Variants in DICER1 observed in about 807,000 individuals in gnomAD.
The protein encoded by DICER1 is dicer 1, ribonuclease III.
A neutral mutation model predicts 194.1 loss-of-function variants in DICER1; 43 were observed. The observed-to-expected ratio is 0.22, with a 90% CI of 0.17 to 0.29. The LOEUF (loss-of-function observed/expected upper bound fraction) is 0.29, where lower values mean the gene tolerates loss of function less well. Ranked by LOEUF, DICER1 falls within the 10% of genes least tolerant of loss-of-function variation. The pLI is 1.00. For synonymous variants in DICER1, 832 were observed against 820.5 expected (o/e 1.01, Z -0.24); for missense variants, 1,608 against 2,317.0 (o/e 0.69, Z 6.28).
At position 95,124,092 on chromosome 14, in the gene DICER1, T is replaced by G. The variant is rs935288488; in HGVS notation, c.1376+104A>C. The G allele has an allele frequency of 1.2e-6, 1 of 835,198 alleles. No individual in the cohort carries two copies. The highest frequency in any genetic ancestry group is 2.0e-6 in the Non-Finnish European group (1 of 505,060). 51.7% of individuals were successfully genotyped at this position (835,198 alleles called of 1,614,324 possible). A position where few individuals can be genotyped will look rare whatever the true frequency, so the allele number is the denominator to read the frequency against. On this transcript the variant is annotated intron_variant, in intron 8 of 26. Transcript: ENST00000343455. This position sits in a 1 kb window ranked among gnomAD's most constrained non-coding sequence, Gnocchi z 4.5. ...AATGATGGCGCCAAGTCAAGGACAC[T>G]TACATAACCCTCATGCTAGCTCTTA...
chr14:95,096,132 C>T lies in DICER1; in HGVS notation c.4788G>A (p.Arg1596=), dbSNP rs2139843473. The T allele has an allele frequency of 1.2e-6, 2 of 1,614,198 alleles. No individual in the cohort carries two copies. The highest frequency in any genetic ancestry group is 1.7e-6 in the Non-Finnish European group (2 of 1,180,024). The change falls in exon 23 of 27, where the codon AGG becomes AGA. Residue 1596 remains arginine (R), a synonymous_variant. Transcript: ENST00000343455. ...LGLKVLPVIK[R]TDREKALCPT... ...GGCACAGGGCCTTTTCCCGATCAGT[C>T]CTTTTAATTACCGGGAGCACCTTCA... is the stretch of plus-strand genomic sequence containing the variant.
At chr14:95,099,453 A>G (rs937328644) in intron 22 of DICER1, among the ~76,000 whole-genome samples, 8 of 152,170 alleles carry the variant, frequency 5.3e-5, no homozygotes, top group African/African-American at 1.9e-4. Context: ...ATCTAGGATA[A>G]ATTGTAATAA....
chr14:95,138,357 A>C (rs1012192532), intron 1 of DICER1, among the ~76,000 whole-genome samples: 12 of 152,168 alleles, frequency 7.9e-5, no homozygotes, highest in African/African-American at 2.2e-4. Context: ...GAAAGGTTAC[A>C]TTTATCAACA....
chr14:95,140,127 A>G (rs1056237382), intron 1 of DICER1, among the ~76,000 whole-genome samples: 2 of 152,174 alleles, frequency 1.3e-5, no homozygotes, highest in African/African-American at 2.4e-5. Flanking sequence ...CAGAGCCAAA[A>G]TAACTCCACA....
chr14:95,126,114 C>T (rs1015297506), intron 7 of DICER1, among the ~76,000 whole-genome samples: 1 of 152,112 alleles, frequency 6.6e-6, no homozygotes, highest in Admixed American at 6.5e-5. Context: ...GTCCTGAGGA[C>T]CCCACCCAGA....
intron 1 of DICER1, among the ~76,000 whole-genome samples, chr14:95,148,285 T>C (rs1895275005): frequency 6.6e-6 from 1 of 152,042 alleles, no homozygotes; most frequent in Non-Finnish European, 1.5e-5. Context: ...GGAGGGTGGG[T>C]CTGAGTCCAA....
intron 1 of DICER1, among the ~76,000 whole-genome samples, chr14:95,143,454 T>G (rs1894944168): frequency 6.6e-6 from 1 of 152,166 alleles, no homozygotes. Context: ...TTGGCTATGT[T>G]TCCTAAGGAC....
rs543949139 is a variant in DICER1, at chr14:95,088,846, T to C, written c.*1652A>G. The C allele has an allele frequency of 1.7e-5, 4 of 233,470 alleles. No individual in the cohort carries two copies. In the East Asian group the frequency reaches 2.4e-4, roughly 14 times the overall value. 14.5% of individuals were successfully genotyped at this position (233,470 alleles called of 1,614,324 possible). A position where few individuals can be genotyped will look rare whatever the true frequency, so the allele number is the denominator to read the frequency against. ...GGAAGGACAGTATTCAAATGTCACT[T>C]ACATATAAATGCAGCATTCCACGAA... is the stretch of plus-strand genomic sequence containing the variant. On this transcript the variant is annotated 3_prime_UTR_variant, in exon 27 of 27. Transcript: ENST00000343455.
intron 21 of DICER1, among the ~76,000 whole-genome samples, chr14:95,101,485 G>A (rs1378622274): frequency 2.0e-5 from 3 of 152,094 alleles, no homozygotes; most frequent in South Asian, 2.1e-4. Flanking sequence ...CAGAGCTTCC[G>A]TATGGCGACT....
chr14:95,153,276 G>T (rs966769836), intron 1 of DICER1, among the ~76,000 whole-genome samples: 4 of 151,430 alleles, frequency 2.6e-5, no homozygotes, highest in African/African-American at 9.7e-5. Flanking sequence ...TGCCCATGTT[G>T]TCCACAGAGC....
rs1444710674 is a variant in DICER1, at chr14:95,089,106, G to GA, written c.*1391dup. 1 of 231,900 alleles carries GA rather than the reference G, an allele frequency of 4.3e-6. No individual in the cohort carries two copies. Among genetic ancestry groups the GA allele is most frequent in the East Asian group, 6.1e-5 (1 of 16,522 alleles). 14.4% of individuals were successfully genotyped at this position (231,900 alleles called of 1,614,324 possible). On this transcript the variant is annotated 3_prime_UTR_variant, in exon 27 of 27. Transcript: ENST00000343455. ...TACATAAACATAGCACCAAACAGGG[G>GA]AAAAATGCATGCAAAAGAAAAGAAG...
intron 6 of DICER1, chr14:95,129,180 T>C (rs924819304): frequency 1.4e-5 from 5 of 346,440 alleles, no homozygotes; most frequent in Non-Finnish European, 2.7e-5. Flanking sequence ...AGAAAAAAAA[T>C]ACAAATTTAC....
At chr14:95,101,710 A>G (rs1043541876) in intron 21 of DICER1, among the ~76,000 whole-genome samples, 1 of 151,840 alleles carries the variant, frequency 6.6e-6, no homozygotes, top group Admixed American at 6.6e-5. Context: ...CCTTGGACAC[A>G]CTCCTGACTC....
intron 6 of DICER1, 53 bp from the exon 7 acceptor site, chr14:95,126,801 T>TA (rs1171538451): frequency 4.2e-6 from 4 of 962,158 alleles, no homozygotes; most frequent in South Asian, 2.1e-5. Flanking sequence ...GAATGCAATT[T>TA]AAAAAAAGTT....
At chr14:95,108,991 CATAA>C (rs1227744735) in intron 14 of DICER1, among the ~76,000 whole-genome samples, 1 of 152,100 alleles carries the variant, frequency 6.6e-6, no homozygotes, top group African/African-American at 2.4e-5. Flanking sequence ...TTTTTCTATG[CATAA>C]ATACATAGAA....
chr14:95,106,208 A>T lies in DICER1; in HGVS notation c.2820T>A (p.Asp940Glu). 2 of 1,613,990 alleles carry T rather than the reference A, an allele frequency of 1.2e-6. No individual in the cohort carries two copies. The highest frequency in any genetic ancestry group is 1.7e-6 in the Non-Finnish European group (2 of 1,179,858). ...AVIIPRYRNF[D>E]QPHRFYVADV... ...CAGCTACATAAAATCGATGAGGCTG[A>T]TCAAAATTGCGATATCTAAAAAAGA... is the stretch of plus-strand genomic sequence containing the variant. Residue 940 changes from aspartate (D) to glutamate (E), a missense_variant, in exon 18 of 27, where the codon GAT becomes GAA. By Grantham distance (45) the Asp-to-Glu change is conservative (BLOSUM62 2). Around this residue, in one of 10 missense-constraint regions of DICER1, gnomAD observed 150 missense variants for 216.0 expected, o/e 0.69. Transcript: ENST00000343455.
rs767713370 is a variant in DICER1, at chr14:95,132,594, T to C, written c.228A>G (p.Leu76=). The C allele has an allele frequency of 3.7e-6, 6 of 1,613,568 alleles. No individual in the cohort carries two copies. In the African/African-American group the frequency reaches 4.0e-5, roughly 11 times the overall value. The change falls in exon 3 of 27, where the codon CTA becomes CTG. Residue 76 remains leucine (L), a synonymous_variant. Transcript: ENST00000343455. Reference sequence around the variant, plus strand: ...TCTGATAGGACAGCTCTTTAGTGAGTAGTACTGCAATAAATGTCTTCCCTG... The same window carrying C: ...TCTGATAGGACAGCTCTTTAGTGAGCAGTACTGCAATAAATGTCTTCCCTG... ...TGSGKTFIAV[L]LTKELSYQIR...
At chr14:95,148,359 C>T (rs192960538) in intron 1 of DICER1, among the ~76,000 whole-genome samples, 56 of 152,256 alleles carry the variant, frequency 3.7e-4, no homozygotes, top group Middle Eastern at 3.4e-3. Context: ...CAGGAGCTAC[C>T]GGCCACCAGT....
At chr14:95,106,353 A>C in intron 17 of DICER1, 130 bp from the exon 18 acceptor site, 1 of 726,860 alleles carries the variant, frequency 1.4e-6, no homozygotes, top group South Asian at 1.6e-5. Context: ...AACAATAAAC[A>C]TCTGTATTCC....
Sources: allele counts gnomAD v4.1 joint callset (sites outside exome capture counted in the v4.1 genomes callset), GRCh38; gene constraint gnomAD v4.1.1; regional missense constraint gnomAD v4.1.1; non-coding constraint Gnocchi (gnomAD v3.1); transcripts MANE v1.5; gene names NCBI Gene and HGNC (gene_info 2026-07-23, HGNC 2026-07-21).